The following VCAN variants were observed in gnomAD, a reference collection of about 807,000 sequenced individuals.
The protein encoded by VCAN is versican core protein.
A neutral mutation model predicts 245.5 loss-of-function variants in VCAN; 44 were observed. That is an observed-to-expected ratio of 0.18 (90% CI 0.14 to 0.23). The LOEUF (loss-of-function observed/expected upper bound fraction) is 0.23, where lower values mean the gene tolerates loss of function less well. Among genes scored for constraint, VCAN ranks in the 10% least tolerant of loss-of-function variants. VCAN has a pLI of 1.00. For synonymous variants in VCAN, 1,413 were observed against 1,437.0 expected (o/e 0.98, Z 0.38); for missense variants, 3,793 against 4,057.9 (o/e 0.93, Z 1.77).
At chr5:83,493,450 A>G (rs1335927444) in intron 3 of VCAN, 96 bp from the exon 4 acceptor site, 2 of 1,446,996 alleles carry the variant, frequency 1.4e-6, no homozygotes, top group Non-Finnish European at 9.7e-7. Context: ...ATTACTATGT[A>G]TCCAACTAAG....
intron 10 of VCAN, among the ~76,000 whole-genome samples, chr5:83,550,411 A>G (rs1473527426): frequency 6.6e-6 from 1 of 152,200 alleles, no homozygotes; most frequent in Non-Finnish European, 1.5e-5. Context: ...ATGATTTTTA[A>G]GAAAATGTCA....
intron 7 of VCAN, chr5:83,531,515 T>C (rs1203439927): frequency 1.3e-5 from 2 of 152,158 alleles, no homozygotes; most frequent in Non-Finnish European, 2.9e-5. Context: ...GGGACGGCTG[T>C]CTATTGTATT....
In VCAN at chr5:83,525,712, G is replaced by T. The variant is rs1475346426; in HGVS notation, c.4003+3403G>T. Among the ~76,000 whole-genome samples the T allele has an allele frequency of 3.3e-5, 5 of 152,088 alleles. No homozygotes were observed. In the South Asian group the frequency reaches 8.3e-4, roughly 25 times the overall value. On this transcript the variant is annotated intron_variant, in intron 7 of 14. Coordinates refer to ENST00000265077, the MANE Select transcript of VCAN (RefSeq NM_004385.5). ...AATTTGTATCTACCCAAATGTATGT[G>T]TGCAGGTGAAAAGCAATATTAAATT...
intron 2 of VCAN, among the ~76,000 whole-genome samples, chr5:83,484,660 A>G (rs1168210847): frequency 2.6e-5 from 4 of 152,206 alleles, no homozygotes; most frequent in Non-Finnish European, 5.9e-5. Flanking sequence ...CTGGGAATAT[A>G]CCCATGGATG....
chr5:83,506,285 A>G (rs1219518148), intron 5 of VCAN, among the ~76,000 whole-genome samples: 1 of 152,152 alleles, frequency 6.6e-6, no homozygotes. Flanking sequence ...TGCTTCCCTT[A>G]TAAAACTGAA....
intron 13 of VCAN, 137 bp from the exon 14 acceptor site, chr5:83,579,843 C>T: frequency 2.1e-6 from 2 of 938,930 alleles, no homozygotes; most frequent in Admixed American, 2.5e-5. Context: ...TGAAAAATTT[C>T]ATATTCTTAA....
intron 1 of VCAN, among the ~76,000 whole-genome samples, chr5:83,474,391 CTT>C (rs972804959): frequency 1.3e-5 from 2 of 152,158 alleles, no homozygotes; most frequent in African/African-American, 4.8e-5. Flanking sequence ...TTAGGATACT[CTT>C]TTCCCTTTCC....
chr5:83,543,730 G>T (rs1259152520), intron 8 of VCAN, among the ~76,000 whole-genome samples: 2 of 152,162 alleles, frequency 1.3e-5, no homozygotes, highest in Non-Finnish European at 2.9e-5. Flanking sequence ...AGTTAAGTTT[G>T]ATGAATGAGA....
rs5869183 is a variant in VCAN, at chr5:83,523,406, A to AT, written c.4003+1114dup. On this transcript the variant is annotated intron_variant, in intron 7 of 14. Transcript: ENST00000265077. ...TGGCTCTGAGAAGACAGGATAGAAGATTTTTTTTTTTTTTTTTAAGCAGGG... is the reference window on the plus strand; with the variant it reads ...TGGCTCTGAGAAGACAGGATAGAAGATTTTTTTTTTTTTTTTTTAAGCAGGG... Among the ~76,000 whole-genome samples the AT allele has an allele frequency of 6.8e-3, 964 of 142,358 alleles. 13 individuals carry two copies. Among genetic ancestry groups the AT allele is most frequent in the African/African-American group, 0.021 (821 of 38,556 alleles). The allele number at this position is 142,358 out of a possible 152,430, so 93.4% of individuals were successfully genotyped here. A position where few individuals can be genotyped will look rare whatever the true frequency, so the allele number is the denominator to read the frequency against.
intron 12 of VCAN, among the ~76,000 whole-genome samples, chr5:83,556,345 G>C (rs149491051): frequency 1.3e-5 from 2 of 152,210 alleles, no homozygotes; most frequent in African/African-American, 4.8e-5. Flanking sequence ...GTACCTCCTC[G>C]GCTTTAAAAA....
In VCAN at chr5:83,538,524, G is replaced by A; in HGVS notation, c.5521G>A (p.Ala1841Thr). ...VFMEQGSGEA[A>T]ADPETTTVSS... Reference sequence around the variant, plus strand: ...TATGGAGCAGGGCTCTGGAGAAGCTGCTGCCGACCCAGAAACCACCACTGT... The same window carrying A: ...TATGGAGCAGGGCTCTGGAGAAGCTACTGCCGACCCAGAAACCACCACTGT... Residue 1841 changes from alanine to threonine, a missense_variant, in exon 8 of 15, where the codon GCT becomes ACT. Around this residue, in one of 5 missense-constraint regions of VCAN, gnomAD observed 3,182 missense variants for 3,250.3 expected, o/e 0.98. Transcript: ENST00000265077. The A allele has an allele frequency of 2.5e-6, 4 of 1,614,080 alleles. No individual in the cohort carries two copies. The highest frequency in any genetic ancestry group is 3.4e-6 in the Non-Finnish European group (4 of 1,179,962).
intron 5 of VCAN, among the ~76,000 whole-genome samples, chr5:83,498,880 C>T (rs557465065): frequency 6.6e-6 from 1 of 152,130 alleles, no homozygotes; most frequent in Non-Finnish European, 1.5e-5. Flanking sequence ...TCCTACTTAA[C>T]GTTGTGTGTT....
intron 7 of VCAN, among the ~76,000 whole-genome samples, chr5:83,532,173 C>G (rs981256061): frequency 6.6e-6 from 1 of 152,080 alleles, no homozygotes; most frequent in African/African-American, 2.4e-5. Flanking sequence ...AACCCCCTTA[C>G]TATACACCGC....
At position 83,493,567 on chromosome 5, in the gene VCAN, C is replaced by T. The variant is rs556429445; in HGVS notation, c.467C>T (p.Ala156Val). Residue 156 changes from alanine to valine, a missense_variant, in exon 4 of 15, where the codon GCG (alanine) becomes GTG (valine). Coordinates refer to ENST00000265077, the MANE Select transcript of VCAN (RefSeq NM_004385.5). Reference sequence around the variant, plus strand: ...GCAGGGGTTGTGTTTCACTACAGGGCGGCAACCAGCAGGTACACACTGAAT... The same window carrying T: ...GCAGGGGTTGTGTTTCACTACAGGGTGGCAACCAGCAGGTACACACTGAAT... ...TVDGVVFHYR[A>V]ATSRYTLNFE... The T allele has an allele frequency of 3.1e-6, 5 of 1,613,460 alleles. No individual in the cohort carries two copies. The highest frequency in any genetic ancestry group is 2.2e-5 in the South Asian group (2 of 91,054).
chr5:83,508,216 C>T (rs1162199094), intron 5 of VCAN, among the ~76,000 whole-genome samples: 1 of 152,146 alleles, frequency 6.6e-6, no homozygotes, highest in Non-Finnish European at 1.5e-5. Flanking sequence ...ACTGGGTACC[C>T]AGTCTGCTCA....
At chr5:83,532,782 A>C (rs956051771) in intron 7 of VCAN, among the ~76,000 whole-genome samples, 2 of 152,176 alleles carry the variant, frequency 1.3e-5, no homozygotes, top group African/African-American at 4.8e-5. Context: ...TAGTTGCTTA[A>C]TTGTGAGACT....
Position 83,537,912 on chromosome 5 carries a change from C to T in VCAN, c.4909C>T (p.Pro1637Ser), listed in dbSNP as rs1252522142. Residue 1637 changes from proline to serine, a missense_variant, in exon 8 of 15, where the codon CCA (proline) becomes TCA (serine). By Grantham distance (74) the Pro-to-Ser change is moderately conservative. Around this residue, in one of 5 missense-constraint regions of VCAN, gnomAD observed 3,182 missense variants for 3,250.3 expected, o/e 0.98. Transcript: ENST00000265077. Reference sequence around the variant, plus strand: ...AGAGCTCTCAGGGAGTTCTTCGATTCCAATTACAGAAGGCTCTGGAGAAGC... The same window carrying T: ...AGAGCTCTCAGGGAGTTCTTCGATTTCAATTACAGAAGGCTCTGGAGAAGC... ...VVELSGSSSIPITEGSGEAEE... is the reference protein window; with the variant it reads ...VVELSGSSSISITEGSGEAEE... 6.2e-7 allele frequency: 1 copy of T among 1,613,888 alleles called. No homozygotes were observed. Among genetic ancestry groups the T allele is most frequent in the South Asian group, 1.1e-5 (1 of 91,084 alleles).
At chr5:83,480,250 C>A (rs996254499) in intron 1 of VCAN, among the ~76,000 whole-genome samples, 5 of 152,052 alleles carry the variant, frequency 3.3e-5, no homozygotes, top group Admixed American at 2.6e-4. Flanking sequence ...CTTGTTGTAC[C>A]TATGTAGATG....
At chr5:83,533,590 G>A (rs926332525) in intron 7 of VCAN, among the ~76,000 whole-genome samples, 3 of 152,116 alleles carry the variant, frequency 2.0e-5, no homozygotes, top group Non-Finnish European at 4.4e-5. Context: ...GGTTGTGGTG[G>A]TAGTGAATTT....
Sources: allele counts gnomAD v4.1 joint callset (sites outside exome capture counted in the v4.1 genomes callset), GRCh38; gene constraint gnomAD v4.1.1; regional missense constraint gnomAD v4.1.1; transcripts MANE v1.5; gene names NCBI Gene and HGNC (gene_info 2026-07-23, HGNC 2026-07-21).